Variants in BNIP2 observed in about 807,000 individuals in gnomAD.
The protein encoded by BNIP2 is BCL2/adenovirus E1B 19 kDa protein-interacting protein 2.
BNIP2 carries 36 observed loss-of-function variants against 43.4 expected under a neutral mutation model. The ratio of observed to expected loss-of-function variants is 0.83; its 90% CI spans 0.64 to 1.10. The LOEUF is 1.10. BNIP2 is among the 50% of genes least tolerant of loss of function. The probability of loss-of-function intolerance (pLI) is 0.00; values close to 1 mark genes in which losing one functional copy is unlikely to be tolerated. For synonymous variants in BNIP2, 146 were observed against 121.0 expected (o/e 1.21, Z -1.35); for missense variants, 417 against 374.1 (o/e 1.11, Z -0.95).
intron 1 of BNIP2, among the ~76,000 whole-genome samples, chr15:59,684,967 C>G (rs1229938591): frequency 1.3e-5 from 2 of 152,148 alleles, no homozygotes; most frequent in Non-Finnish European, 1.5e-5. Context: ...GTCAGCAAAC[C>G]TTTGCTCAAT....
At chr15:59,668,742 CCT>C (rs6151566) in intron 9 of BNIP2, 148 bp downstream of exon 9, 337,747 of 599,908 alleles carry the variant, frequency 0.56, 99,838 homozygotes, top group Middle Eastern at 0.62. Context: ...ATGGCTTCTT[CCT>C]CTTTTTCTTT....
chr15:59,671,278 T>C lies in BNIP2; in HGVS notation c.612A>G (p.Glu204=), dbSNP rs139533727. The C allele has an allele frequency of 2.0e-4, 326 of 1,596,328 alleles. 9 individuals carry two copies. The South Asian group carries it at 3.1e-3, about 15-fold the overall frequency. The part of the protein sequence containing the change: ...VIGTLELLVA[E]NYMIVYLNGA... ...CATTTAAATAAACTATCATGTAGTTTTCTGCTACTAATAGCTCCAAAGTGC... is the reference window on the plus strand; with the variant it reads ...CATTTAAATAAACTATCATGTAGTTCTCTGCTACTAATAGCTCCAAAGTGC... Residue 204 remains glutamate, a synonymous_variant, in exon 7 of 10, where the codon GAA becomes GAG. Coordinates refer to ENST00000607373, the MANE Select transcript of BNIP2 (RefSeq NM_004330.4).
At chr15:59,673,947 G>C (rs1268966240) in intron 5 of BNIP2, among the ~76,000 whole-genome samples, 2 of 152,012 alleles carry the variant, frequency 1.3e-5, no homozygotes, top group East Asian at 3.9e-4. Context: ...ACAATTAGCT[G>C]GGTGTGGTGG....
chr15:59,667,330 T>C (rs780978037), intron 9 of BNIP2, among the ~76,000 whole-genome samples: 1 of 152,220 alleles, frequency 6.6e-6, no homozygotes, highest in Admixed American at 6.5e-5. Context: ...ACTCTTAAGA[T>C]TGTATTAAAC....
intron 2 of BNIP2, among the ~76,000 whole-genome samples, chr15:59,682,091 G>A (rs1893715214): frequency 1.3e-5 from 2 of 152,102 alleles, no homozygotes; most frequent in Admixed American, 1.3e-4. Context: ...CACTTTGGGA[G>A]GCCAAGGCAG....
chr15:59,669,102 T>G, intron 8 of BNIP2, 112 bp from the exon 9 acceptor site: 3 of 1,149,622 alleles, frequency 2.6e-6, no homozygotes, highest in Non-Finnish European at 3.8e-6. Context: ...CACAAAAAGA[T>G]GATAAATGTC....
At position 59,660,198 on chromosome 15, in the gene BNIP2, A is replaced by C. The variant is rs1892180692; in HGVS notation, c.*3871T>G. 1 of 152,204 alleles carries C rather than the reference A, an allele frequency of 6.6e-6. No individual in the cohort carries two copies. Among genetic ancestry groups the C allele is most frequent in the Non-Finnish European group, 1.5e-5 (1 of 68,030 alleles). 9.4% of individuals were successfully genotyped at this position (152,204 alleles called of 1,614,324 possible). On this transcript the variant is annotated 3_prime_UTR_variant, in exon 10 of 10. Transcript: ENST00000607373. Reference sequence around the variant, plus strand: ...TATGACCTATAACAAGACCAGACCTATTTTAACAGCAAAATAGGTCTAACT... The same window carrying C: ...TATGACCTATAACAAGACCAGACCTCTTTTAACAGCAAAATAGGTCTAACT...
chr15:59,665,052 T>G (rs1365419504), intron 9 of BNIP2, among the ~76,000 whole-genome samples: 1 of 149,968 alleles, frequency 6.7e-6, no homozygotes, highest in Non-Finnish European at 1.5e-5. Context: ...GATCACGAGG[T>G]CAGGAGTTCG....
chr15:59,680,236 C>T lies in BNIP2; in HGVS notation c.118+5G>A. ...TTTCAATGAAAGTAAGTGTCAAGCT[C>T]TTACCAGGCTGGTCCTCTGGTCCAG... On this transcript the variant is annotated splice_donor_5th_base_variant and intron_variant, in intron 3 of 9. Transcript: ENST00000607373. 1 of 1,575,848 alleles carries T rather than the reference C, an allele frequency of 6.3e-7. No homozygotes were observed. The highest frequency in any genetic ancestry group is 1.2e-5 in the South Asian group (1 of 84,544).
At chr15:59,684,231 T>C (rs1318272860) in intron 1 of BNIP2, among the ~76,000 whole-genome samples, 1 of 152,230 alleles carries the variant, frequency 6.6e-6, no homozygotes, top group Non-Finnish European at 1.5e-5. Flanking sequence ...TGTTTGATGA[T>C]ACACTTGTTA....
At chr15:59,685,112 A>G (rs1420396411) in intron 1 of BNIP2, among the ~76,000 whole-genome samples, 1 of 152,210 alleles carries the variant, frequency 6.6e-6, no homozygotes, top group Non-Finnish European at 1.5e-5. Context: ...ATTGTTCCTC[A>G]CTGGTAAGAG....
intron 7 of BNIP2, 63 bp from the exon 8 acceptor site, chr15:59,669,425 GC>G: frequency 8.6e-7 from 1 of 1,158,496 alleles, no homozygotes; most frequent in Non-Finnish European, 1.2e-6. Flanking sequence ...AAATTCTAAT[GC>G]TGCAAGTTTA....
chr15:59,674,151 C>T (rs1893119769), intron 5 of BNIP2, among the ~76,000 whole-genome samples: 2 of 149,980 alleles, frequency 1.3e-5, no homozygotes, highest in African/African-American at 4.9e-5. Context: ...ACATAATTTT[C>T]AGTAATGGAA....
At position 59,680,322 on chromosome 15, in the gene BNIP2, G is replaced by T; in HGVS notation, c.51-14C>A. The stretch of plus-strand genomic sequence containing the variant: ...TCTGGTAAAGGTCTAGAAGACACAG[G>T]CATACTTTTTAATCCAGAAATTAAG... On this transcript the variant is annotated splice_polypyrimidine_tract_variant and intron_variant, in intron 2 of 9. Transcript: ENST00000607373. 6.3e-7 allele frequency: 1 copy of T among 1,577,684 alleles called. No homozygotes were observed. The highest frequency in any genetic ancestry group is 8.6e-7 in the Non-Finnish European group (1 of 1,159,790).
intron 1 of BNIP2, among the ~76,000 whole-genome samples, chr15:59,683,814 T>C (rs554992243): frequency 2.1e-4 from 32 of 152,170 alleles, no homozygotes; most frequent in Non-Finnish European, 4.0e-4. Flanking sequence ...GCAAAACCAG[T>C]AGCAGAGGAA....
intron 1 of BNIP2, among the ~76,000 whole-genome samples, chr15:59,688,237 G>A (rs1482136544): frequency 6.6e-6 from 1 of 152,130 alleles, no homozygotes; most frequent in Non-Finnish European, 1.5e-5. Context: ...ACTTAATTGG[G>A]TAAGGTCAGT....
At chr15:59,684,562 C>T (rs1362461645) in intron 1 of BNIP2, among the ~76,000 whole-genome samples, 2 of 152,186 alleles carry the variant, frequency 1.3e-5, no homozygotes, top group Non-Finnish European at 2.9e-5. Flanking sequence ...AATTACAATG[C>T]TCAAGTGAGA....
At chr15:59,669,031 C>T in intron 8 of BNIP2, 41 bp from the exon 9 acceptor site, 1 of 1,490,504 alleles carries the variant, frequency 6.7e-7, no homozygotes, top group Non-Finnish European at 9.3e-7. Flanking sequence ...ATATTTCTGA[C>T]AAATACAATG....
At position 59,680,282 on chromosome 15, in the gene BNIP2, T is replaced by A. The variant is rs145715333; in HGVS notation, c.77A>T (p.Glu26Val). ...PIPLPEDDSIEADILAITGPE... is the reference protein window; with the variant it reads ...PIPLPEDDSIVADILAITGPE... ...TCCAGTTATAGCTAGTATATCTGCT[T>A]CAATACTATCATCTTCTGGTAAAGG... The change falls in exon 3 of 10, where the codon GAA becomes GTA. Residue 26 changes from glutamate (E) to valine (V), a missense_variant. Glu to Val is a moderately radical substitution (Grantham distance 121, BLOSUM62 -2). Coordinates refer to ENST00000607373, the MANE Select transcript of BNIP2 (RefSeq NM_004330.4). 1.9e-6 allele frequency: 3 copies of A among 1,603,032 alleles called. No homozygotes were observed. In the African/African-American group the frequency reaches 4.0e-5, roughly 21 times the overall value.
Sources: gnomAD v4.1 joint callset for allele counts (sites outside exome capture counted in the v4.1 genomes callset) on GRCh38, gnomAD v4.1.1 for gene constraint, MANE v1.5 for transcripts, NCBI Gene and HGNC (gene_info 2026-07-23, HGNC 2026-07-21) for gene names.